Variants in LINGO2 observed in about 807,000 individuals in gnomAD.
LINGO2 encodes the protein leucine-rich repeat and immunoglobulin-like domain-containing nogo receptor-interacting protein 2.
Under a neutral mutation model 30.6 loss-of-function variants are expected in LINGO2, and 14 were observed. That is an observed-to-expected ratio of 0.46 (90% CI 0.30 to 0.72). LINGO2 has a LOEUF of 0.72. LINGO2 is among the 30% of genes least tolerant of loss of function. The pLI, the probability that LINGO2 is intolerant of heterozygous loss-of-function variation, is 0.07. For synonymous variants in LINGO2, 317 were observed against 288.5 expected (o/e 1.10, Z -1.00); for missense variants, 729 against 751.7 (o/e 0.97, Z 0.35).
intron 4 of LINGO2, among the ~76,000 whole-genome samples, chr9:28,022,791 T>C (rs376872128): frequency 2.6e-5 from 4 of 152,048 alleles, no homozygotes; most frequent in Non-Finnish European, 5.9e-5. Flanking sequence ...CTGTTTTCTC[T>C]TCTCCTTTCT....
the LINGO2 span, among the ~76,000 whole-genome samples, chr9:28,774,364 T>C: frequency 8.9e-3 from 1,353 of 152,330 alleles, 14 homozygotes; most frequent in African/African-American, 0.031. Context: ...TTTTTGTTAG[T>C]TGAATTTTTT....
chr9:28,830,205 G>A, the LINGO2 span, among the ~76,000 whole-genome samples: 1 of 152,146 alleles, frequency 6.6e-6, no homozygotes, highest in Admixed American at 6.5e-5. Flanking sequence ...TTAAACAAAT[G>A]AGCATGGAGA....
chr9:29,175,258 C>CTAAA, the LINGO2 span, among the ~76,000 whole-genome samples: 1 of 152,046 alleles, frequency 6.6e-6, no homozygotes, highest in African/African-American at 2.4e-5. Context: ...GACTCCATCT[C>CTAAA]TAAATAAATA....
At chr9:29,075,922 T>A in the LINGO2 span, among the ~76,000 whole-genome samples, 4 of 152,340 alleles carry the variant, frequency 2.6e-5, 1 homozygote, top group Admixed American at 2.6e-4. Flanking sequence ...ACGGTCTGAC[T>A]GTCAATCATG....
At chr9:29,042,993 G>GA in the LINGO2 span, among the ~76,000 whole-genome samples, 1 of 151,530 alleles carries the variant, frequency 6.6e-6, no homozygotes, top group East Asian at 1.9e-4. Flanking sequence ...ATCCTTGTGA[G>GA]ATATATATAT....
chr9:28,704,384 G>GT, the LINGO2 span, among the ~76,000 whole-genome samples: 1 of 141,874 alleles, frequency 7.0e-6, no homozygotes, highest in African/African-American at 2.8e-5. Context: ...CAGGTGTAGT[G>GT]TTTTTTATTG....
chr9:28,619,335 A>T (rs767785481), intron 1 of LINGO2, among the ~76,000 whole-genome samples: 2 of 152,148 alleles, frequency 1.3e-5, no homozygotes, highest in Non-Finnish European at 2.9e-5. Context: ...AACTAGAAGG[A>T]TTCGACAAAA....
chr9:29,030,387 C>T, the LINGO2 span, among the ~76,000 whole-genome samples: 8 of 152,114 alleles, frequency 5.3e-5, no homozygotes, highest in South Asian at 2.1e-4. Flanking sequence ...TACCCCTCAT[C>T]CGGATTTCCC....
chr9:28,486,035 GACTA>G (rs1312693216), intron 1 of LINGO2, among the ~76,000 whole-genome samples: 1 of 152,022 alleles, frequency 6.6e-6, no homozygotes, highest in Non-Finnish European at 1.5e-5. Context: ...AGCTTGGAAT[GACTA>G]ACTTTTTGGT....
rs371821368 is a variant in LINGO2 at position 28,506,399 on chromosome 9, CATATATATAT to C, written c.-364-30384_-364-30375del. ...TAGTTTTAATTGAGGGCTTCTTAGACATATATATATATATATATATATACACACACACACA... is the reference window on the plus strand; with the variant it reads ...TAGTTTTAATTGAGGGCTTCTTAGACATATATATATATACACACACACACA... On this transcript the variant is annotated intron_variant, in intron 1 of 5. Transcript: ENST00000379992. Among the ~76,000 whole-genome samples, 573 of 26,136 alleles carry C rather than the reference CATATATATAT, an allele frequency of 0.022. 29 individuals carry two copies. The East Asian group carries it at 0.23, about 10-fold the overall frequency. The allele number at this position is 26,136 out of a possible 152,430, so 17.1% of individuals were successfully genotyped here. A position where few individuals can be genotyped will look rare whatever the true frequency, so the allele number is the denominator to read the frequency against.
chr9:28,251,057 GA>G (rs149731600), intron 4 of LINGO2, among the ~76,000 whole-genome samples: 42,479 of 149,884 alleles, frequency 0.28, 6,179 homozygotes, highest in South Asian at 0.37. Flanking sequence ...ATTTTAAAAA[GA>G]AAAAAAAAAT....
chr9:28,558,719 C>T (rs986227820), intron 1 of LINGO2, among the ~76,000 whole-genome samples: 4 of 151,930 alleles, frequency 2.6e-5, no homozygotes, highest in African/African-American at 9.7e-5. Context: ...TCTGCACTGT[C>T]ATTTTAGCAG....
At chr9:28,968,707 T>C in the LINGO2 span, among the ~76,000 whole-genome samples, 1 of 152,188 alleles carries the variant, frequency 6.6e-6, no homozygotes, top group Non-Finnish European at 1.5e-5. Context: ...TTAAACTTCA[T>C]ATCCCAGATT....
chr9:28,226,646 A>C (rs376510792), intron 4 of LINGO2, among the ~76,000 whole-genome samples: 1 of 42,818 alleles, frequency 2.3e-5, no homozygotes, highest in Non-Finnish European at 4.8e-5. Flanking sequence ...AAAGAAGGAA[A>C]GAAAGAAAGA....
intron 5 of LINGO2, among the ~76,000 whole-genome samples, chr9:27,982,258 A>C (rs879887872): frequency 4.6e-5 from 7 of 151,806 alleles, no homozygotes; most frequent in Non-Finnish European, 1.0e-4. Flanking sequence ...CATGCTCTCA[A>C]TTGCCTCATA....
At chr9:28,213,382 CA>C (rs1175465153) in intron 4 of LINGO2, among the ~76,000 whole-genome samples, 1 of 151,170 alleles carries the variant, frequency 6.6e-6, no homozygotes, top group African/African-American at 2.4e-5. Flanking sequence ...CATGCAGCCA[CA>C]AAAATACAGA....
the LINGO2 span, among the ~76,000 whole-genome samples, chr9:28,909,154 C>T: frequency 6.6e-6 from 1 of 151,936 alleles, no homozygotes; most frequent in Admixed American, 6.6e-5. Flanking sequence ...TTATGCAACT[C>T]TCTTCTGTCT....
At chr9:28,462,320 T>G (rs943946003) in intron 2 of LINGO2, among the ~76,000 whole-genome samples, 9 of 151,690 alleles carry the variant, frequency 5.9e-5, no homozygotes, top group African/African-American at 2.2e-4. Flanking sequence ...TTTAACAATT[T>G]TTTTACAAAT....
the LINGO2 span, among the ~76,000 whole-genome samples, chr9:29,018,696 A>T: frequency 5.3e-5 from 8 of 152,166 alleles, no homozygotes; most frequent in African/African-American, 1.9e-4. Flanking sequence ...GTCAGCTCCG[A>T]AGTTCTCACT....
Sources: allele counts gnomAD v4.1 joint callset (sites outside exome capture counted in the v4.1 genomes callset), GRCh38; gene constraint gnomAD v4.1.1; transcripts MANE v1.5; gene names NCBI Gene and HGNC (gene_info 2026-07-23, HGNC 2026-07-21).